Variants in PTPRS observed in about 807,000 individuals in gnomAD.
PTPRS encodes receptor-type tyrosine-protein phosphatase S.
In PTPRS, 63 loss-of-function variants were observed where a neutral mutation model predicts 215.3. The observed-to-expected ratio is 0.29, with a 90% CI of 0.24 to 0.36. The LOEUF is 0.36. Ranked by LOEUF, PTPRS falls within the 10% of genes least tolerant of loss-of-function variation. The pLI is 1.00. For missense variants in PTPRS, 2,258 were observed against 2,825.8 expected (o/e 0.80, Z 4.56); for synonymous variants, 1,404 against 1,191.4 (o/e 1.18, Z -3.68).
chr19:5,292,126 G>A (rs944115823), intron 1 of PTPRS, among the ~76,000 whole-genome samples: 1 of 152,082 alleles, frequency 6.6e-6, no homozygotes, highest in Admixed American at 6.5e-5. Context: ...TCCCACTGTG[G>A]GTCTGTCAAC....
At chr19:5,314,309 G>T (rs1179774801) in intron 1 of PTPRS, among the ~76,000 whole-genome samples, 1 of 152,164 alleles carries the variant, frequency 6.6e-6, no homozygotes, top group Non-Finnish European at 1.5e-5. Context: ...CACGAACTTT[G>T]GATTCAAAGC....
chr19:5,322,306 A>C (rs1427170093), intron 1 of PTPRS, among the ~76,000 whole-genome samples: 1 of 152,182 alleles, frequency 6.6e-6, no homozygotes, highest in African/African-American at 2.4e-5. Context: ...ATATCACCTA[A>C]CACCAGCTAT....
intron 33 of PTPRS, among the ~76,000 whole-genome samples, chr19:5,211,162 G>A (rs1320323293): frequency 2.6e-5 from 4 of 152,198 alleles, no homozygotes; most frequent in Non-Finnish European, 5.9e-5. Flanking sequence ...CCTCTGCCAG[G>A]AACACCCTCC....
chr19:5,271,036 G>A (rs1179332130), intron 4 of PTPRS, among the ~76,000 whole-genome samples: 3 of 152,198 alleles, frequency 2.0e-5, no homozygotes, highest in Non-Finnish European at 2.9e-5. Context: ...TACTAGGGCC[G>A]CTGTGATAAC....
rs142442336 is a variant in PTPRS, at chr19:5,287,293, G to A, written c.-94-1059C>T. On this transcript the variant is annotated intron_variant, in intron 1 of 37. Coordinates refer to ENST00000262963, the MANE Select transcript of PTPRS (RefSeq NM_002850.4). The surrounding 1 kb of genome is among the most constrained non-coding windows in gnomAD (Gnocchi z 4.8). The stretch of plus-strand genomic sequence containing the variant: ...CAATTCCCCCTACATTCTACATCCC[G>A]GAGCATCAGATATGACTAAGGTTAT... Among the ~76,000 whole-genome samples, 9 of 152,262 alleles carry A rather than the reference G, an allele frequency of 5.9e-5. No homozygotes were observed. Among genetic ancestry groups the A allele is most frequent in the East Asian group, 3.9e-4 (2 of 5,182 alleles).
In PTPRS at chr19:5,297,117, G is replaced by A. The variant is rs1308289898; in HGVS notation, c.-94-10883C>T. Among the ~76,000 whole-genome samples the A allele has an allele frequency of 4.6e-5, 7 of 152,076 alleles. No homozygotes were observed. The East Asian group carries it at 1.4e-3, about 29-fold the overall frequency. The stretch of plus-strand genomic sequence containing the variant: ...TGCCCCGCCTACTCCGTGCCCTTGG[G>A]GGCTGACCCCTGGACCCCTCCAAAA... On this transcript the variant is annotated intron_variant, in intron 1 of 37. Transcript: ENST00000262963.
At chr19:5,242,164 G>A (rs984095148) in intron 11 of PTPRS, among the ~76,000 whole-genome samples, 3 of 151,786 alleles carry the variant, frequency 2.0e-5, no homozygotes, top group Middle Eastern at 3.4e-3. Context: ...AAGCAGTGGC[G>A]CTGGTCCCTC....
chr19:5,332,213 C>T (rs890208442), intron 1 of PTPRS, among the ~76,000 whole-genome samples: 6 of 151,986 alleles, frequency 3.9e-5, no homozygotes, highest in Admixed American at 3.3e-4. Context: ...CTGCAACCTC[C>T]GCCTCCCAGG....
At chr19:5,277,699 C>T in intron 2 of PTPRS, 1 of 591,020 alleles carries the variant, frequency 1.7e-6, no homozygotes. Context: ...CTCGGCGCTG[C>T]CTAAGGAGGT....
At chr19:5,276,800 C>T (rs555164553) in intron 2 of PTPRS, among the ~76,000 whole-genome samples, 3 of 152,264 alleles carry the variant, frequency 2.0e-5, no homozygotes, top group South Asian at 2.1e-4. Flanking sequence ...CCTCAGTCTC[C>T]CAAAGTGCTG....
intron 1 of PTPRS, among the ~76,000 whole-genome samples, chr19:5,334,310 A>G (rs527346015): frequency 6.6e-6 from 1 of 152,334 alleles, no homozygotes; most frequent in East Asian, 1.9e-4. Flanking sequence ...TCAACATATC[A>G]GTGTAGCTCC....
At chr19:5,250,610 G>A in intron 9 of PTPRS, among the ~76,000 whole-genome samples, 1 of 31,704 alleles carries the variant, frequency 3.2e-5, no homozygotes, top group South Asian at 1.8e-3. Context: ...TAGCCGGGGG[G>A]TCCCAGCGGG....
rs544423505 is a variant in PTPRS, at chr19:5,276,493, G to A, written c.92-2149C>T. On this transcript the variant is annotated intron_variant, in intron 2 of 37. Coordinates refer to ENST00000262963, the MANE Select transcript of PTPRS (RefSeq NM_002850.4). ...CTACCTTGGCCTCCCAAAGTGCTGGGATTACAGGTGTGAGCCACTGCGCCT... is the reference window on the plus strand; with the variant it reads ...CTACCTTGGCCTCCCAAAGTGCTGGAATTACAGGTGTGAGCCACTGCGCCT... 1.6e-4 allele frequency among the ~76,000 whole-genome samples: 24 copies of A among 151,974 alleles called. 3 individuals carry two copies. Among genetic ancestry groups the A allele is most frequent in the Admixed American group, 6.6e-4 (10 of 15,238 alleles).
intron 9 of PTPRS, among the ~76,000 whole-genome samples, chr19:5,249,046 C>T (rs919445382): frequency 6.6e-6 from 1 of 152,216 alleles, no homozygotes; most frequent in Non-Finnish European, 1.5e-5. Flanking sequence ...CGCAGTGGCT[C>T]ATGCCTGTGA....
rs1026683992 is a variant in PTPRS, at chr19:5,210,326, G to C, written c.5487+143C>G. 1.4e-5 allele frequency: 17 copies of C among 1,220,888 alleles called. No individual in the cohort carries two copies. The African/African-American group carries it at 1.8e-4, about 13-fold the overall frequency. The allele number at this position is 1,220,888 out of a possible 1,614,324, so 75.6% of individuals were successfully genotyped here. Reference sequence around the variant, plus strand: ...TCCACCTATGTGGCAGTAGAAGCAAGTGGCCAACTGGTCAGCTGACACTTC... The same window carrying C: ...TCCACCTATGTGGCAGTAGAAGCAACTGGCCAACTGGTCAGCTGACACTTC... On this transcript the variant is annotated intron_variant, in intron 35 of 37. Transcript: ENST00000262963. This position sits in a 1 kb window ranked among gnomAD's most constrained non-coding sequence, Gnocchi z 4.5.
chr19:5,228,345 G>GAAAAAAAAA (rs1491502602), intron 16 of PTPRS, among the ~76,000 whole-genome samples: 34 of 33,258 alleles, frequency 1.0e-3, no homozygotes, highest in African/African-American at 2.3e-3. Context: ...ACTCCGTCTG[G>GAAAAAAAAA]AGAAAAAAAA....
At chr19:5,256,000 G>T in intron 9 of PTPRS, 108 bp downstream of exon 9, 1 of 790,534 alleles carries the variant, frequency 1.3e-6, no homozygotes, top group Non-Finnish European at 1.9e-6. Context: ...CCGTGTGTGT[G>T]TCAGCGTGTG....
chr19:5,221,171 T>G lies in PTPRS; in HGVS notation c.3284A>C (p.Tyr1095Ser). 6.2e-7 allele frequency: 1 copy of G among 1,613,612 alleles called. No individual in the cohort carries two copies. ...GCCGCGATTGGTCAGCACAAAGTTG[T>G]AGAAGGTGTGGGGCTTGAGGTGCGT... ...LITHLKPHTF[Y>S]NFVLTNRGSS... Residue 1095 changes from tyrosine to serine, a missense_variant, in exon 20 of 38, where the codon TAC becomes TCC. By Grantham distance (144) the Tyr-to-Ser change is moderately radical (BLOSUM62 -2). Transcript: ENST00000262963.
At chr19:5,212,600 T>G in intron 30 of PTPRS, 109 bp from the exon 31 acceptor site, 2 of 1,342,882 alleles carry the variant, frequency 1.5e-6, no homozygotes, top group Non-Finnish European at 2.0e-6. Context: ...TCCCAGCACT[T>G]TGGGAGGCCG....
Sources: gnomAD v4.1 joint callset for allele counts (sites outside exome capture counted in the v4.1 genomes callset) on GRCh38, gnomAD v4.1.1 for gene constraint, Gnocchi (gnomAD v3.1) non-coding constraint, MANE v1.5 for transcripts, NCBI Gene and HGNC (gene_info 2026-07-23, HGNC 2026-07-21) for gene names.